SLC38A6: variants seen among roughly 807,000 people sequenced by gnomAD.
SLC38A6 encodes the protein solute carrier family 38 member 6.
Under a neutral mutation model 65.0 loss-of-function variants are expected in SLC38A6, and 73 were observed. The ratio of observed to expected loss-of-function variants is 1.12; its 90% CI spans 0.93 to 1.37. SLC38A6 has a LOEUF of 1.37. SLC38A6 is among the 40% of genes most tolerant of loss of function. SLC38A6 has a pLI of 0.00. For missense variants in SLC38A6, 561 were observed against 531.1 expected, an observed-to-expected ratio of 1.06 and a Z score of -0.55; for synonymous variants, 183 against 178.8, an observed-to-expected ratio of 1.02 and a Z score of -0.19.
At chr14:61,016,778 G>A (rs186515552) in intron 4 of SLC38A6, among the ~76,000 whole-genome samples, 51 of 152,044 alleles carry the variant, frequency 3.4e-4, no homozygotes, top group South Asian at 1.5e-3. Flanking sequence ...TTATGTTTTC[G>A]ATTGACAAAT....
At chr14:61,045,151 A>G (rs114328998) in intron 10 of SLC38A6, among the ~76,000 whole-genome samples, 195 bp from the exon 11 acceptor site, 320 of 152,342 alleles carry the variant, frequency 2.1e-3, no homozygotes, top group African/African-American at 7.5e-3. Context: ...CAAGCCCACT[A>G]TCAAATAAAA....
chr14:61,051,683 A>G, intron 13 of SLC38A6, 104 bp from the exon 14 acceptor site: 1 of 1,266,692 alleles, frequency 7.9e-7, no homozygotes, highest in Non-Finnish European at 1.1e-6. Context: ...AATCTAAATG[A>G]TGTAGGAGGC....
intron 16 of SLC38A6, among the ~76,000 whole-genome samples, chr14:61,081,003 C>A (rs1277065207): frequency 6.6e-6 from 1 of 152,172 alleles, no homozygotes; most frequent in Non-Finnish European, 1.5e-5. Context: ...AACCATCTGA[C>A]TTGGATTTCG....
At chr14:61,051,041 TC>T (rs1176393004) in intron 13 of SLC38A6, among the ~76,000 whole-genome samples, 2 of 152,200 alleles carry the variant, frequency 1.3e-5, no homozygotes, top group Non-Finnish European at 2.9e-5. Context: ...ACATAAGCAT[TC>T]TAGTTCAATC....
chr14:60,993,279 A>G (rs552569098), intron 3 of SLC38A6, among the ~76,000 whole-genome samples: 19 of 152,346 alleles, frequency 1.2e-4, no homozygotes, highest in African/African-American at 4.1e-4. Flanking sequence ...GCACTGAGTG[A>G]TTAACTAGCT....
chr14:61,043,619 A>T, intron 10 of SLC38A6, 116 bp downstream of exon 10: 2 of 658,376 alleles, frequency 3.0e-6, no homozygotes, highest in South Asian at 5.2e-5. Context: ...TTTTCATGAA[A>T]GTGCTAAGTA....
intron 3 of SLC38A6, among the ~76,000 whole-genome samples, chr14:60,995,203 G>A (rs544241746): frequency 1.2e-4 from 19 of 152,250 alleles, no homozygotes; most frequent in African/African-American, 4.3e-4. Context: ...CATTATTAAC[G>A]ATAGCCAAGT....
intron 15 of SLC38A6, among the ~76,000 whole-genome samples, chr14:61,065,540 T>C (rs1180282276): frequency 1.3e-5 from 2 of 152,200 alleles, no homozygotes; most frequent in Non-Finnish European, 2.9e-5. Context: ...AACTTTACAA[T>C]TTTTTCTCAT....
At chr14:60,982,793 T>C (rs1311974754) in intron 2 of SLC38A6, among the ~76,000 whole-genome samples, 155 bp downstream of exon 2, 2 of 152,188 alleles carry the variant, frequency 1.3e-5, no homozygotes, top group Non-Finnish European at 2.9e-5. Flanking sequence ...TGCTAGTGTG[T>C]ACCTTGGAGG....
intron 3 of SLC38A6, among the ~76,000 whole-genome samples, chr14:61,015,158 C>G (rs1358565056): frequency 2.6e-5 from 4 of 152,176 alleles, no homozygotes; most frequent in African/African-American, 9.7e-5. Flanking sequence ...AGCGAGGCTC[C>G]GTGGGCATAG....
chr14:61,022,129 C>G (rs1165628798), intron 5 of SLC38A6, among the ~76,000 whole-genome samples: 1 of 151,920 alleles, frequency 6.6e-6, no homozygotes, highest in Non-Finnish European at 1.5e-5. Flanking sequence ...ATTATTTTAA[C>G]GTATTAACGT....
chr14:61,043,677 A>G (rs1311913938), intron 10 of SLC38A6, among the ~76,000 whole-genome samples, 174 bp downstream of exon 10: 2 of 143,928 alleles, frequency 1.4e-5, no homozygotes, highest in East Asian at 2.1e-4. Flanking sequence ...AGGGTGGCCT[A>G]TTATGAAACA....
intron 15 of SLC38A6, among the ~76,000 whole-genome samples, chr14:61,061,171 C>A (rs1299238801): frequency 1.3e-5 from 2 of 152,202 alleles, no homozygotes; most frequent in Non-Finnish European, 2.9e-5. Flanking sequence ...TTATCAGAAG[C>A]CTTTTCTGCA....
chr14:61,046,113 T>C lies in SLC38A6; in HGVS notation c.871T>C (p.Leu291=), dbSNP rs147803317. ...MQNVTNTAIA[L]SFLIYFISAL... The stretch of plus-strand genomic sequence containing the variant: ...GAATGTTACCAATACAGCAATTGCT[T>C]TAAGTTTTCTCATTTATTTTATATC... Residue 291 remains leucine (L), a synonymous_variant, in exon 12 of 16, where the codon TTA becomes CTA. Transcript: ENST00000267488. The C allele has an allele frequency of 1.7e-5, 28 of 1,611,974 alleles. No homozygotes were observed. Among genetic ancestry groups the C allele is most frequent in the Middle Eastern group, 1.7e-4 (1 of 5,950 alleles).
At chr14:61,040,538 A>AC (rs1375291113) in intron 8 of SLC38A6, among the ~76,000 whole-genome samples, 1 of 151,928 alleles carries the variant, frequency 6.6e-6, no homozygotes, top group Admixed American at 6.6e-5. Context: ...ACAGGGTTTG[A>AC]CCGTGTTAGC....
At chr14:61,015,283 C>G (rs2039919843) in intron 3 of SLC38A6, among the ~76,000 whole-genome samples, 1 of 152,162 alleles carries the variant, frequency 6.6e-6, no homozygotes, top group Non-Finnish European at 1.5e-5. Context: ...CGGCTGTCAT[C>G]CCTTTCTTTG....
At chr14:61,070,672 A>C (rs934390241) in intron 15 of SLC38A6, among the ~76,000 whole-genome samples, 3 of 152,194 alleles carry the variant, frequency 2.0e-5, no homozygotes, top group African/African-American at 7.2e-5. Flanking sequence ...TTATGTTTCT[A>C]TCAGCAGTGC....
rs565583172 is a variant in SLC38A6, at chr14:60,989,450, G to A, written c.310+4647G>A. On this transcript the variant is annotated intron_variant, in intron 3 of 15. Transcript: ENST00000267488. The stretch of plus-strand genomic sequence containing the variant: ...AATAATTGTCTAAACCAGGCCAGGT[G>A]TGGTGTCTCATGCCCGTAATCCTAG... Among the ~76,000 whole-genome samples, 4 of 152,236 alleles carry A rather than the reference G, an allele frequency of 2.6e-5. No homozygotes were observed. In the East Asian group the frequency reaches 5.8e-4, roughly 22 times the overall value.
downstream of SLC38A6, among the ~76,000 whole-genome samples, chr14:61,053,296 C>A (rs1389600163): frequency 1.3e-5 from 2 of 151,994 alleles, no homozygotes; most frequent in Non-Finnish European, 2.9e-5. Flanking sequence ...TAGGGTGATT[C>A]CATGTCTTGG....
Sources: gnomAD v4.1 joint callset for allele counts (sites outside exome capture counted in the v4.1 genomes callset) on GRCh38, gnomAD v4.1.1 for gene constraint, MANE v1.5 for transcripts, NCBI Gene and HGNC (gene_info 2026-07-23, HGNC 2026-07-21) for gene names.